Variants in PCDH12 observed in about 807,000 individuals in gnomAD.
PCDH12 encodes the protein protocadherin-12.
Under a neutral mutation model 70.9 loss-of-function variants are expected in PCDH12, and 45 were observed. The observed-to-expected ratio is 0.63, with a 90% CI of 0.50 to 0.81. The LOEUF (loss-of-function observed/expected upper bound fraction) is 0.81, where lower values mean the gene tolerates loss of function less well. PCDH12 is among the 40% of genes least tolerant of loss of function. PCDH12 has a pLI of 0.00. For synonymous variants in PCDH12, 567 were observed against 626.0 expected (o/e 0.91, Z 1.41); for missense variants, 1,370 against 1,491.7 (o/e 0.92, Z 1.34).
intron 3 of PCDH12, among the ~76,000 whole-genome samples, chr5:141,948,678 G>C (rs904775062): frequency 1.3e-5 from 2 of 152,178 alleles, no homozygotes. Context: ...GTCCATAGAG[G>C]ACAGGCTGGC....
chr5:141,952,923 C>T (rs906888244), intron 1 of PCDH12: 1 of 152,242 alleles, frequency 6.6e-6, no homozygotes, highest in African/African-American at 2.4e-5. Context: ...TAGGAAGTGT[C>T]AACCTCAGAG....
chr5:141,955,017 C>G lies in PCDH12; in HGVS notation c.2835G>C (p.Glu945Asp). The G allele has an allele frequency of 1.2e-6, 2 of 1,614,180 alleles. No individual in the cohort carries two copies. The highest frequency in any genetic ancestry group is 1.7e-6 in the Non-Finnish European group (2 of 1,180,006). ...CAGTGAGCTCCTCCACGGGGTTCCG[C>G]TCGGCGAAGGCAGCCACAGACAGCC... ...LVRLSVAAFA[E>D]RNPVEELTVD... Residue 945 changes from glutamate to aspartate, a missense_variant, in exon 1 of 4, where the codon GAG (glutamate) becomes GAC (aspartate). By Grantham distance (45) the Glu-to-Asp change is conservative (BLOSUM62 2). Transcript: ENST00000231484. This position sits in a 1 kb window ranked among gnomAD's most constrained non-coding sequence, Gnocchi z 5.5.
In PCDH12 at chr5:141,955,574, G is replaced by T. The variant is rs1019202281; in HGVS notation, c.2278C>A (p.Arg760Ser). Residue 760 changes from arginine (R) to serine (S), a missense_variant, in exon 1 of 4, where the codon CGC becomes AGC. Transcript: ENST00000231484. The surrounding 1 kb of genome is among the most constrained non-coding windows in gnomAD (Gnocchi z 5.5). The stretch of plus-strand genomic sequence containing the variant: ...TTCTGGGGCCTCTTGGGCTGCTGGC[G>T]GTAGGTGGACTCGGCCTCCCGACAG... ...YNCREAESTYRQQPKRPQKHI... is the reference protein window; with the variant it reads ...YNCREAESTYSQQPKRPQKHI... 1 of 1,614,126 alleles carries T rather than the reference G, an allele frequency of 6.2e-7. No homozygotes were observed. The highest frequency in any genetic ancestry group is 1.1e-5 in the South Asian group (1 of 91,084).
In PCDH12 at chr5:141,955,690, C is replaced by A; in HGVS notation, c.2162G>T (p.Cys721Phe). ...ALSMSMLTVI[C>F]LAVLLGIFGL... ...GAAGATGCCCAACAGTACAGCCAGG[C>A]AGATCACCGTCAGCATCGACATGCT... The change falls in exon 1 of 4, where the codon TGC becomes TTC. Residue 721 changes from cysteine (C) to phenylalanine (F), a missense_variant. Cys to Phe is a radical substitution (Grantham distance 205, BLOSUM62 -2). Coordinates refer to ENST00000231484, the MANE Select transcript of PCDH12 (RefSeq NM_016580.4). The surrounding 1 kb of genome is among the most constrained non-coding windows in gnomAD (Gnocchi z 5.5). The A allele has an allele frequency of 1.2e-6, 2 of 1,614,146 alleles. No homozygotes were observed. Among genetic ancestry groups the A allele is most frequent in the Middle Eastern group, 3.3e-4 (2 of 6,062 alleles).
chr5:141,957,416 C>G lies in PCDH12; in HGVS notation c.436G>C (p.Glu146Gln). 6.2e-7 allele frequency: 1 copy of G among 1,613,038 alleles called. No homozygotes were observed. Among genetic ancestry groups the G allele is most frequent in the Non-Finnish European group, 8.5e-7 (1 of 1,179,488 alleles). The change falls in exon 1 of 4, where the codon GAG (glutamate) becomes CAG (glutamine). Residue 146 changes from glutamate to glutamine, a missense_variant. By Grantham distance (29) the Glu-to-Gln change is conservative (BLOSUM62 2). Transcript: ENST00000231484. The surrounding 1 kb of genome is among the most constrained non-coding windows in gnomAD (Gnocchi z 4.3). ...ATCCGGGTTCGCAGAGAGGCGCTCT[C>G]AGAGATTTCCAGCTCCTGCTCGCCT... ...PKGEQELEIS[E>Q]SASLRTRIPL...
At position 141,956,863 on chromosome 5, in the gene PCDH12, T is replaced by C. The variant is rs772833843; in HGVS notation, c.989A>G (p.Asn330Ser). The C allele has an allele frequency of 3.7e-6, 6 of 1,614,092 alleles. No individual in the cohort carries two copies. In the South Asian group the frequency reaches 6.6e-5, roughly 18 times the overall value. The change falls in exon 1 of 4, where the codon AAT becomes AGT. Residue 330 changes from asparagine to serine, a missense_variant. Asn to Ser is a conservative substitution (Grantham distance 46). Coordinates refer to ENST00000231484, the MANE Select transcript of PCDH12 (RefSeq NM_016580.4). ...AACTTTGCAATGGGCTGGGATAGGA[T>C]TGGGACCCAGGTCCCTTGCCTGAAC... ...VDVQARDLGP[N>S]PIPAHCKVLI...
intron 2 of PCDH12, 117 bp from the exon 3 acceptor site, chr5:141,949,700 C>A (rs1335398210): frequency 1.2e-5 from 15 of 1,271,188 alleles, no homozygotes; most frequent in Admixed American, 2.6e-5. Context: ...CACAGCCTGG[C>A]CTCTAGAGTC....
chr5:141,955,762 G>T lies in PCDH12; in HGVS notation c.2090C>A (p.Thr697Asn). 1 of 1,614,004 alleles carries T rather than the reference G, an allele frequency of 6.2e-7. No individual in the cohort carries two copies. The highest frequency in any genetic ancestry group is 8.5e-7 in the Non-Finnish European group (1 of 1,179,950). Residue 697 changes from threonine to asparagine, a missense_variant, in exon 1 of 4, where the codon ACC becomes AAC. Physicochemically the swap from Thr to Asn is moderately conservative, Grantham distance 65. Coordinates refer to ENST00000231484, the MANE Select transcript of PCDH12 (RefSeq NM_016580.4). This position sits in a 1 kb window ranked among gnomAD's most constrained non-coding sequence, Gnocchi z 5.5. ...TGAGTCCCTCAGGTGGTCCACACTG[G>T]TGACAAACATGACCCTCAACAGGGC... ...TRALLRVMFV[T>N]SVDHLRDSAR... is the part of the protein sequence containing the mutation.
Position 141,951,778 on chromosome 5 carries a change from C to G in PCDH12, c.2881-188G>C, listed in dbSNP as rs563449298. On this transcript the variant is annotated intron_variant, in intron 1 of 3. Coordinates refer to ENST00000231484, the MANE Select transcript of PCDH12 (RefSeq NM_016580.4). Reference sequence around the variant, plus strand: ...GACCTGGGCGGGCAGGTCCCCTGCTCTGTCATGTCACCCCAGGACCTGAGT... The same window carrying G: ...GACCTGGGCGGGCAGGTCCCCTGCTGTGTCATGTCACCCCAGGACCTGAGT... 4.7e-4 allele frequency among the ~76,000 whole-genome samples: 71 copies of G among 152,386 alleles called. 1 individual carries two copies. The South Asian group carries it at 0.013, about 28-fold the overall frequency.
Position 141,957,202 on chromosome 5 carries a change from T to A in PCDH12, c.650A>T (p.Tyr217Phe), listed in dbSNP as rs1753199905. The A allele has an allele frequency of 6.2e-7, 1 of 1,614,208 alleles. No individual in the cohort carries two copies. Among genetic ancestry groups the A allele is most frequent in the Non-Finnish European group, 8.5e-7 (1 of 1,180,040 alleles). The stretch of plus-strand genomic sequence containing the variant: ...TGACTTGGGGGGGTTCCCATTGTCA[T>A]AGGCAGTTAACACCAGATCAAAAAA... ...HSFFDLVLTAYDNGNPPKSGT... is the reference protein window; with the variant it reads ...HSFFDLVLTAFDNGNPPKSGT... The change falls in exon 1 of 4, where the codon TAT (tyrosine) becomes TTT (phenylalanine). Residue 217 changes from tyrosine to phenylalanine, a missense_variant. Tyr to Phe is a conservative substitution (Grantham distance 22). Transcript: ENST00000231484. The surrounding 1 kb of genome is among the most constrained non-coding windows in gnomAD (Gnocchi z 4.3).
Position 141,945,125 on chromosome 5 carries a change from A to C in PCDH12, c.*256T>G. 1.9e-6 allele frequency: 1 copy of C among 524,842 alleles called. No homozygotes were observed. The allele number at this position is 524,842 out of a possible 1,614,324, so 32.5% of individuals were successfully genotyped here. On this transcript the variant is annotated 3_prime_UTR_variant, in exon 4 of 4. Coordinates refer to ENST00000231484, the MANE Select transcript of PCDH12 (RefSeq NM_016580.4). ...AGGACTGACCCTTTGTGCTCCACAT[A>C]TGTTTTGCCAGGAAACACTTATCTC...
At chr5:141,946,689 A>T (rs1752939551) in intron 3 of PCDH12, among the ~76,000 whole-genome samples, 1 of 152,208 alleles carries the variant, frequency 6.6e-6, no homozygotes, top group Admixed American at 6.5e-5. Flanking sequence ...GTCCCAGGAG[A>T]GGGACTGGGG....
At chr5:141,954,431 A>G (rs147507352) in intron 1 of PCDH12, among the ~76,000 whole-genome samples, 194 of 152,354 alleles carry the variant, frequency 1.3e-3, no homozygotes, top group African/African-American at 4.4e-3. Flanking sequence ...AGTACTGACT[A>G]CATGTCAGAT....
intron 2 of PCDH12, among the ~76,000 whole-genome samples, chr5:141,950,768 C>A (rs1753064936): frequency 1.3e-5 from 2 of 152,200 alleles, no homozygotes; most frequent in South Asian, 4.1e-4. Flanking sequence ...TTGCCACTCA[C>A]TTGTTACATG....
At position 141,957,180 on chromosome 5, in the gene PCDH12, CTTGGGGGGGT is replaced by C; in HGVS notation, c.662_671del (p.Asn221SerfsTer41). 1 of 1,614,220 alleles carries C rather than the reference CTTGGGGGGGT, an allele frequency of 6.2e-7. No individual in the cohort carries two copies. The highest frequency in any genetic ancestry group is 8.5e-7 in the Non-Finnish European group (1 of 1,180,038). ...TGACCTTGACCAAGCTGGTACCTGA[CTTGGGGGGGT>C]TCCCATTGTCATAGGCAGTTAACAC... On this transcript the variant is annotated frameshift_variant, in exon 1 of 4. Transcript: ENST00000231484. LOFTEE classifies it high-confidence loss of function. The surrounding 1 kb of genome is among the most constrained non-coding windows in gnomAD (Gnocchi z 4.3).
At position 141,945,390 on chromosome 5, in the gene PCDH12, C is replaced by CCTGCTGCTG. The variant is rs5871792; in HGVS notation, c.3537_3545dup (p.Ser1179_Ser1181dup). The CCTGCTGCTG allele has an allele frequency of 0.39, 604,244 of 1,550,564 alleles. 86,754 individuals are homozygous for CCTGCTGCTG. The highest frequency in any genetic ancestry group is 0.67 in the East Asian group (28,501 of 42,474). On this transcript the variant is annotated inframe_insertion, in exon 4 of 4. Transcript: ENST00000231484. ...GGCGTCTGAGGTATGTTCACAGGCACCTGCTGCTGCTGCTGCTGCCTCTGC... is the reference window on the plus strand; with the variant it reads ...GGCGTCTGAGGTATGTTCACAGGCACCTGCTGCTGCTGCTGCTGCTGCTGCTGCCTCTGC...
rs1403502694 is a variant in PCDH12, at chr5:141,956,319, G to A, written c.1533C>T (p.Asp511=). The A allele has an allele frequency of 2.5e-6, 4 of 1,614,216 alleles. No individual in the cohort carries two copies. The highest frequency in any genetic ancestry group is 3.3e-5 in the Admixed American group (2 of 60,018). The change falls in exon 1 of 4, where the codon GAC becomes GAT. Residue 511 remains aspartate, a synonymous_variant. Transcript: ENST00000231484. ...DSPVAHLVAI[D]SNTGEVTAQR... Reference sequence around the variant, plus strand: ...GAGCAGTGACCTCTCCTGTGTTGGAGTCAATAGCTACTAAGTGAGCAACTG... The same window carrying A: ...GAGCAGTGACCTCTCCTGTGTTGGAATCAATAGCTACTAAGTGAGCAACTG...
In PCDH12 at chr5:141,957,890, G is replaced by A. The variant is rs1231141410; in HGVS notation, c.-39C>T. On this transcript the variant is annotated 5_prime_UTR_variant, in exon 1 of 4. Transcript: ENST00000231484. This position sits in a 1 kb window ranked among gnomAD's most constrained non-coding sequence, Gnocchi z 4.3. ...TGGGCTAGATTCAGAAACCACTAGA[G>A]TTCTTTCAAGGCTGGACAAGTCCTC... 2 of 1,568,526 alleles carry A rather than the reference G, an allele frequency of 1.3e-6. No individual in the cohort carries two copies. The highest frequency in any genetic ancestry group is 2.2e-5 in the East Asian group (1 of 44,674).
At position 141,957,942 on chromosome 5, in the gene PCDH12, C is replaced by T; in HGVS notation, c.-91G>A. ...AGTGTTTCCTGGATGGCTTGATCAGCCCCGTGCTCCTTCCCCCAGAGCTGC... is the reference window on the plus strand; with the variant it reads ...AGTGTTTCCTGGATGGCTTGATCAGTCCCGTGCTCCTTCCCCCAGAGCTGC... On this transcript the variant is annotated 5_prime_UTR_variant, in exon 1 of 4. Transcript: ENST00000231484. This position sits in a 1 kb window ranked among gnomAD's most constrained non-coding sequence, Gnocchi z 4.3. 1.4e-6 allele frequency: 2 copies of T among 1,433,916 alleles called. No homozygotes were observed. The highest frequency in any genetic ancestry group is 1.9e-6 in the Non-Finnish European group (2 of 1,068,078). The allele number at this position is 1,433,916 out of a possible 1,614,324, so 88.8% of individuals were successfully genotyped here. A position where few individuals can be genotyped will look rare whatever the true frequency, so the allele number is the denominator to read the frequency against.
Sources: gnomAD v4.1 joint callset for allele counts (sites outside exome capture counted in the v4.1 genomes callset) on GRCh38, gnomAD v4.1.1 for gene constraint, Gnocchi (gnomAD v3.1) non-coding constraint, MANE v1.5 for transcripts, NCBI Gene and HGNC (gene_info 2026-07-23, HGNC 2026-07-21) for gene names.